PEBP4: variants seen among roughly 807,000 people sequenced by gnomAD.
PEBP4 encodes phosphatidylethanolamine-binding protein 4.
A neutral mutation model predicts 23.9 loss-of-function variants in PEBP4; 22 were observed. The ratio of observed to expected loss-of-function variants is 0.92; its 90% CI spans 0.66 to 1.31. PEBP4 has a LOEUF of 1.31. Among genes scored for constraint, PEBP4 ranks in the 40% most tolerant of loss-of-function variants. PEBP4 has a pLI of 0.00. For missense variants in PEBP4, 324 were observed against 281.7 expected (o/e 1.15, Z -1.07); for synonymous variants, 112 against 99.3 (o/e 1.13, Z -0.76).
chr8:22,902,799 C>T (rs1055372101), intron 3 of PEBP4, among the ~76,000 whole-genome samples: 2 of 152,184 alleles, frequency 1.3e-5, no homozygotes, highest in African/African-American at 4.8e-5. Context: ...GGGAGTTTGT[C>T]AAAAGGCAGG....
At chr8:22,851,407 C>T (rs1390125643) in intron 3 of PEBP4, among the ~76,000 whole-genome samples, 2 of 152,184 alleles carry the variant, frequency 1.3e-5, no homozygotes, top group African/African-American at 2.4e-5. Context: ...TGCTTTGGGG[C>T]CCTCAGTGAA....
intron 4 of PEBP4, among the ~76,000 whole-genome samples, chr8:22,780,360 G>A (rs189667251): frequency 5.1e-4 from 78 of 152,160 alleles, no homozygotes; most frequent in Admixed American, 3.0e-3. Flanking sequence ...GTTGTTTCTC[G>A]ACCTTTTCAA....
intron 3 of PEBP4, among the ~76,000 whole-genome samples, chr8:22,826,948 C>T (rs1806982748): frequency 6.6e-6 from 1 of 152,172 alleles, no homozygotes; most frequent in Non-Finnish European, 1.5e-5. Context: ...CATCATTATC[C>T]TGGAGACATC....
chr8:22,906,627 C>A (rs964054880), intron 3 of PEBP4, among the ~76,000 whole-genome samples: 1 of 152,354 alleles, frequency 6.6e-6, no homozygotes, highest in Non-Finnish European at 1.5e-5. Flanking sequence ...AGATGACTGT[C>A]CATCACCATC....
intron 3 of PEBP4, among the ~76,000 whole-genome samples, chr8:22,822,045 G>A (rs1052011648): frequency 6.6e-6 from 1 of 151,310 alleles, no homozygotes; most frequent in Non-Finnish European, 1.5e-5. Context: ...GGGAGTTACT[G>A]TCATAGATGC....
At chr8:22,793,909 A>G (rs1349852670) in intron 4 of PEBP4, among the ~76,000 whole-genome samples, 1 of 152,192 alleles carries the variant, frequency 6.6e-6, no homozygotes, top group African/African-American at 2.4e-5. Flanking sequence ...AACAATTTAC[A>G]CTCTCACCAG....
At chr8:22,855,464 C>G (rs1437006734) in intron 3 of PEBP4, among the ~76,000 whole-genome samples, 2 of 152,146 alleles carry the variant, frequency 1.3e-5, no homozygotes, top group Non-Finnish European at 2.9e-5. Context: ...CTCAGAGAGT[C>G]TATTAGATGT....
At chr8:22,716,391 T>C (rs573830556) in intron 6 of PEBP4, among the ~76,000 whole-genome samples, 19 of 152,328 alleles carry the variant, frequency 1.2e-4, no homozygotes, top group African/African-American at 4.6e-4. Context: ...GGGGAGAGCC[T>C]GATAACCTTA....
chr8:22,932,768 G>A (rs1436213651), upstream of PEBP4, among the ~76,000 whole-genome samples: 1 of 152,190 alleles, frequency 6.6e-6, no homozygotes, highest in African/African-American at 2.4e-5. Flanking sequence ...ACTTTGGGAA[G>A]CTGAGATGGG....
At chr8:22,817,886 C>A in intron 3 of PEBP4, 151 bp from the exon 4 acceptor site, 1 of 670,470 alleles carries the variant, frequency 1.5e-6, no homozygotes. Flanking sequence ...TCGTGACATC[C>A]CTCTCACATC....
At chr8:22,723,957 G>A (rs1371743690) in intron 6 of PEBP4, among the ~76,000 whole-genome samples, 1 of 152,210 alleles carries the variant, frequency 6.6e-6, no homozygotes, top group Non-Finnish European at 1.5e-5. Flanking sequence ...CGAGGTCACT[G>A]GGTGAGAGGA....
chr8:22,734,750 G>C lies in PEBP4; in HGVS notation c.358-7530C>G, dbSNP rs182511761. Among the ~76,000 whole-genome samples, 199 of 152,306 alleles carry C rather than the reference G, an allele frequency of 1.3e-3. 2 individuals carry two copies. Among genetic ancestry groups the C allele is most frequent in the African/African-American group, 4.5e-3 (189 of 41,566 alleles). ...TTGAGGGATGTGTAGGAGCTTTTCA[G>C]TTCTCCAGTGGATAAGACAAGGGAG... On this transcript the variant is annotated intron_variant, in intron 4 of 6. Transcript: ENST00000256404.
At chr8:22,891,342 G>A (rs1808488452) in intron 3 of PEBP4, among the ~76,000 whole-genome samples, 1 of 152,222 alleles carries the variant, frequency 6.6e-6, no homozygotes, top group Non-Finnish European at 1.5e-5. Context: ...GGGAGCCATG[G>A]AACCAGGCTC....
chr8:22,725,883 A>G (rs1489485446), intron 5 of PEBP4, among the ~76,000 whole-genome samples: 2 of 152,074 alleles, frequency 1.3e-5, no homozygotes, highest in African/African-American at 4.8e-5. Context: ...TGCTTGGAGC[A>G]CTGGAAGAGT....
intron 4 of PEBP4, among the ~76,000 whole-genome samples, chr8:22,768,761 C>T (rs17749519): frequency 0.034 from 5,245 of 152,066 alleles, 131 homozygotes; most frequent in African/African-American, 0.072. Flanking sequence ...TTTTGTTGGC[C>T]CGCGGATGGT....
chr8:22,777,317 C>T (rs2128754752), intron 4 of PEBP4, among the ~76,000 whole-genome samples: 1 of 152,294 alleles, frequency 6.6e-6, no homozygotes, highest in African/African-American at 2.4e-5. Flanking sequence ...TGTGGCTACC[C>T]CAGGAGAACT....
chr8:22,787,551 G>A (rs1161241962), intron 4 of PEBP4, among the ~76,000 whole-genome samples: 2 of 152,204 alleles, frequency 1.3e-5, no homozygotes, highest in Non-Finnish European at 2.9e-5. Flanking sequence ...GTTGGCTGGT[G>A]ATGGCAAAGA....
At chr8:22,717,498 G>A (rs935965376) in intron 6 of PEBP4, among the ~76,000 whole-genome samples, 1 of 152,194 alleles carries the variant, frequency 6.6e-6, no homozygotes, top group Non-Finnish European at 1.5e-5. Flanking sequence ...GGGAAGTGGG[G>A]TAGGAAGCTG....
At chr8:22,896,730 A>T (rs928870573) in intron 3 of PEBP4, among the ~76,000 whole-genome samples, 2 of 152,132 alleles carry the variant, frequency 1.3e-5, no homozygotes, top group Non-Finnish European at 2.9e-5. Flanking sequence ...AACTTATGAT[A>T]AGGCAGAATT....
Sources: allele counts gnomAD v4.1 joint callset (sites outside exome capture counted in the v4.1 genomes callset), GRCh38; gene constraint gnomAD v4.1.1; transcripts MANE v1.5; gene names NCBI Gene and HGNC (gene_info 2026-07-23, HGNC 2026-07-21).